FRMD6: variants seen among roughly 807,000 people sequenced by gnomAD.
The protein encoded by FRMD6 is FERM domain containing 6.
Under a neutral mutation model 73.2 loss-of-function variants are expected in FRMD6, and 37 were observed. The ratio of observed to expected loss-of-function variants is 0.51; its 90% CI spans 0.39 to 0.66. The LOEUF is 0.66. Ranked by LOEUF, FRMD6 falls within the 30% of genes least tolerant of loss-of-function variation. The pLI, the probability that FRMD6 is intolerant of heterozygous loss-of-function variation, is 0.00. For synonymous variants in FRMD6, 273 were observed against 282.2 expected (o/e 0.97, Z 0.33); for missense variants, 714 against 780.5 (o/e 0.91, Z 1.02).
chr14:51,720,347 G>T lies in FRMD6; in HGVS notation c.1317G>T (p.Glu439Asp), dbSNP rs1230853484. Residue 439 changes from glutamate (E) to aspartate (D), a missense_variant, in exon 11 of 14, where the codon GAG (glutamate) becomes GAT (aspartate). Coordinates refer to ENST00000344768, the MANE Select transcript of FRMD6 (RefSeq NM_001267046.2). ...SHGSSHTSGV[E>D]SGGKDRLEED... The stretch of plus-strand genomic sequence containing the variant: ...GCAGCTCCCACACCTCAGGGGTGGA[G>T]AGTGGCGGCAAAGACCGGCTGGAAG... 7.4e-6 allele frequency: 12 copies of T among 1,613,814 alleles called. No homozygotes were observed. The highest frequency in any genetic ancestry group is 1.1e-5 in the South Asian group (1 of 91,082).
chr14:51,557,404 A>G (rs1887201379), intron 1 of FRMD6, among the ~76,000 whole-genome samples: 1 of 152,200 alleles, frequency 6.6e-6, no homozygotes, highest in Non-Finnish European at 1.5e-5. Context: ...AGAAAGCCAA[A>G]TACAGCATGA....
intron 1 of FRMD6, among the ~76,000 whole-genome samples, chr14:51,493,521 A>C (rs1883131267): frequency 1.3e-5 from 2 of 152,136 alleles, no homozygotes; most frequent in African/African-American, 4.8e-5. Context: ...GCCATGTCAG[A>C]TGTGATTTTG....
At chr14:51,683,544 C>G (rs1473493739) in intron 1 of FRMD6, among the ~76,000 whole-genome samples, 2 of 152,090 alleles carry the variant, frequency 1.3e-5, no homozygotes, top group Non-Finnish European at 2.9e-5. Context: ...CTGCCTCAGC[C>G]TCTCAAGGTG....
chr14:51,450,324 T>C, the FRMD6 span, among the ~76,000 whole-genome samples: 2 of 152,202 alleles, frequency 1.3e-5, no homozygotes, highest in Admixed American at 1.3e-4. Context: ...CATGAAAATT[T>C]AGATATTAGA....
intron 1 of FRMD6, among the ~76,000 whole-genome samples, chr14:51,656,963 C>T (rs1421126782): frequency 6.6e-6 from 1 of 151,826 alleles, no homozygotes; most frequent in East Asian, 1.9e-4. Flanking sequence ...CAACTTTGAG[C>T]AATAATGTTT....
intron 2 of FRMD6, among the ~76,000 whole-genome samples, chr14:51,622,667 A>G (rs1469573562): frequency 6.6e-6 from 1 of 152,186 alleles, no homozygotes; most frequent in Non-Finnish European, 1.5e-5. Context: ...CAGATTCCAG[A>G]GCATTTACTC....
chr14:51,546,395 T>G (rs1886463946), intron 1 of FRMD6, among the ~76,000 whole-genome samples: 2 of 84,984 alleles, frequency 2.4e-5, no homozygotes, highest in African/African-American at 1.2e-4. Context: ...AAAGAGAAAC[T>G]CTTTTTTTTT....
intron 1 of FRMD6, among the ~76,000 whole-genome samples, chr14:51,537,403 G>A (rs1477802378): frequency 7.9e-5 from 12 of 152,240 alleles, no homozygotes; most frequent in Admixed American, 2.6e-4. Flanking sequence ...ATCCATTCAC[G>A]TACTGAAGGC....
chr14:51,648,707 T>C (rs897484710), upstream of FRMD6, among the ~76,000 whole-genome samples: 1 of 152,196 alleles, frequency 6.6e-6, no homozygotes, highest in Non-Finnish European at 1.5e-5. Context: ...TTAACTCACG[T>C]GTCTGTTCCC....
At chr14:51,715,973 C>G (rs1897218363) in intron 10 of FRMD6, among the ~76,000 whole-genome samples, 1 of 152,170 alleles carries the variant, frequency 6.6e-6, no homozygotes, top group South Asian at 2.1e-4. Context: ...GTGTCTGCAG[C>G]CTCTGATTGA....
chr14:51,707,757 T>G (rs1042551796), intron 6 of FRMD6, among the ~76,000 whole-genome samples: 1 of 152,132 alleles, frequency 6.6e-6, no homozygotes, highest in Non-Finnish European at 1.5e-5. Flanking sequence ...GTATAAACAA[T>G]TATGTGTACA....
the FRMD6 span, among the ~76,000 whole-genome samples, chr14:51,417,286 G>C: frequency 0.055 from 8,333 of 152,248 alleles, 355 homozygotes; most frequent in Middle Eastern, 0.13. Flanking sequence ...TGCAGTGGCT[G>C]GTACCGGTTG....
At chr14:51,656,856 C>T (rs1320323223) in intron 1 of FRMD6, among the ~76,000 whole-genome samples, 1 of 152,078 alleles carries the variant, frequency 6.6e-6, no homozygotes, top group Non-Finnish European at 1.5e-5. Flanking sequence ...TAATTCTGAC[C>T]AAAAATATCT....
intron 10 of FRMD6, among the ~76,000 whole-genome samples, chr14:51,717,057 C>T (rs1053908899): frequency 3.9e-5 from 6 of 152,176 alleles, no homozygotes; most frequent in Admixed American, 2.6e-4. Flanking sequence ...AATGACCTTC[C>T]TCTATAGGTT....
At chr14:51,527,949 T>C (rs538611856) in intron 1 of FRMD6, among the ~76,000 whole-genome samples, 11 of 152,224 alleles carry the variant, frequency 7.2e-5, no homozygotes, top group Admixed American at 5.2e-4. Context: ...GAGAGCAACC[T>C]GGGCAACATA....
At chr14:51,614,389 G>A (rs1396854947) in intron 2 of FRMD6, among the ~76,000 whole-genome samples, 2 of 152,110 alleles carry the variant, frequency 1.3e-5, no homozygotes, top group African/African-American at 4.8e-5. Flanking sequence ...ACAGTGGACT[G>A]TCTACTCTAA....
intron 2 of FRMD6, among the ~76,000 whole-genome samples, chr14:51,692,329 A>G (rs1247805703): frequency 2.0e-5 from 3 of 152,268 alleles, no homozygotes; most frequent in Non-Finnish European, 4.4e-5. Context: ...AATCCTACTT[A>G]CATATGTGAA....
At chr14:51,651,492 G>A (rs1370049299), upstream of FRMD6, 2 of 152,326 alleles carry the variant, frequency 1.3e-5, no homozygotes, top group African/African-American at 2.4e-5. Flanking sequence ...GCCGGAGGCG[G>A]AGAAGGCCAC....
At chr14:51,718,608 G>C (rs1897362580) in intron 10 of FRMD6, among the ~76,000 whole-genome samples, 3 of 152,192 alleles carry the variant, frequency 2.0e-5, no homozygotes, top group Admixed American at 1.3e-4. Flanking sequence ...TTCAGAAGAT[G>C]GGGATTGTTA....
Sources: gnomAD v4.1 joint callset for allele counts (sites outside exome capture counted in the v4.1 genomes callset) on GRCh38, gnomAD v4.1.1 for gene constraint, MANE v1.5 for transcripts, NCBI Gene and HGNC (gene_info 2026-07-23, HGNC 2026-07-21) for gene names.